NXN: variants seen among roughly 807,000 people sequenced by gnomAD.
NXN encodes nucleoredoxin 1.
In NXN, 16 loss-of-function variants were observed where a neutral mutation model predicts 48.6. The observed-to-expected ratio is 0.33, with a 90% CI of 0.22 to 0.50. NXN has a LOEUF of 0.50. Ranked by LOEUF, NXN falls within the 20% of genes least tolerant of loss-of-function variation. The pLI is 0.98. For synonymous variants in NXN, 281 were observed against 269.6 expected (o/e 1.04, Z -0.41); for missense variants, 492 against 605.5 (o/e 0.81, Z 1.97).
At chr17:966,736 G>C (rs986592027) in intron 1 of NXN, among the ~76,000 whole-genome samples, 3 of 150,738 alleles carry the variant, frequency 2.0e-5, no homozygotes, top group African/African-American at 7.3e-5. Context: ...AAGGAGGTAG[G>C]GCAGCCAGCT....
At chr17:912,182 C>T (rs1395719712) in intron 1 of NXN, among the ~76,000 whole-genome samples, 1 of 152,092 alleles carries the variant, frequency 6.6e-6, no homozygotes, top group African/African-American at 2.4e-5. Context: ...AAGTGATCCA[C>T]CCTCCTCAGC....
chr17:806,740 A>G (rs1911555238), intron 5 of NXN, among the ~76,000 whole-genome samples: 1 of 152,132 alleles, frequency 6.6e-6, no homozygotes. Flanking sequence ...TACCAGACAT[A>G]TGGCCCTCGT....
chr17:832,548 A>C (rs1354470525), intron 1 of NXN, among the ~76,000 whole-genome samples: 1 of 152,030 alleles, frequency 6.6e-6, no homozygotes, highest in Non-Finnish European at 1.5e-5. Context: ...TCTACCCTCT[A>C]AATGCTCAGG....
At chr17:902,229 C>T (rs1025447162) in intron 1 of NXN, among the ~76,000 whole-genome samples, 7 of 152,342 alleles carry the variant, frequency 4.6e-5, no homozygotes, top group Admixed American at 3.9e-4. Context: ...GACGGACCCA[C>T]GTCCGCCGTC....
At chr17:888,934 G>A (rs2068378381) in intron 1 of NXN, among the ~76,000 whole-genome samples, 1 of 148,056 alleles carries the variant, frequency 6.8e-6, no homozygotes, top group Non-Finnish European at 1.5e-5. Context: ...CAGCCTGGGG[G>A]CGACAAGTGC....
chr17:952,873 G>C (rs2069128276), intron 1 of NXN, among the ~76,000 whole-genome samples: 1 of 151,728 alleles, frequency 6.6e-6, no homozygotes, highest in Non-Finnish European at 1.5e-5. Context: ...ACGGACGACA[G>C]GTTCCTGCTG....
intron 1 of NXN, among the ~76,000 whole-genome samples, chr17:963,994 G>A (rs927465865): frequency 4.6e-5 from 7 of 151,882 alleles, no homozygotes; most frequent in South Asian, 2.1e-4. Flanking sequence ...GGAGAATGGC[G>A]TGAACCCGGG....
At chr17:897,836 T>C (rs1312839551) in intron 1 of NXN, among the ~76,000 whole-genome samples, 4 of 152,166 alleles carry the variant, frequency 2.6e-5, no homozygotes, top group Non-Finnish European at 5.9e-5. Flanking sequence ...CCACCACGCA[T>C]GGCTACTTTT....
At chr17:853,942 G>A (rs1335819876) in intron 1 of NXN, among the ~76,000 whole-genome samples, 5 of 151,722 alleles carry the variant, frequency 3.3e-5, no homozygotes, top group African/African-American at 1.2e-4. Flanking sequence ...GGATGGTCTT[G>A]ATCTCCTGAC....
In NXN at chr17:888,493, T is replaced by C. The variant is rs1416663345; in HGVS notation, c.361-62415A>G. On this transcript the variant is annotated intron_variant, in intron 1 of 7. Transcript: ENST00000336868. Reference sequence around the variant, plus strand: ...ACCTTGGCCCCCCAAAGTCCTGGGATGACAGGCATGAGCCATCACACCTGG... The same window carrying C: ...ACCTTGGCCCCCCAAAGTCCTGGGACGACAGGCATGAGCCATCACACCTGG... 3.3e-5 allele frequency among the ~76,000 whole-genome samples: 5 copies of C among 152,334 alleles called. No homozygotes were observed. In the South Asian group the frequency reaches 8.3e-4, roughly 25 times the overall value.
In NXN at chr17:825,487, C is replaced by G. The variant is rs972903972; in HGVS notation, c.478+474G>C. 2 of 162,504 alleles carry G rather than the reference C, an allele frequency of 1.2e-5. No individual in the cohort carries two copies. Among genetic ancestry groups the G allele is most frequent in the African/African-American group, 2.4e-5 (1 of 41,480 alleles). 10.1% of individuals were successfully genotyped at this position (162,504 alleles called of 1,614,324 possible). ...ACGCGTAGCCAGCAAGACCAAGGCC[C>G]GCAGGGAGTGACAGCTCCAAGCAAC... On this transcript the variant is annotated intron_variant, in intron 2 of 7. Transcript: ENST00000336868. The surrounding 1 kb of genome is among the most constrained non-coding windows in gnomAD (Gnocchi z 4.1).
In NXN at chr17:921,743, T is replaced by TA. The variant is rs2068752429; in HGVS notation, c.360+57575_360+57576insT. Among the ~76,000 whole-genome samples, 11 of 148,254 alleles carry TA rather than the reference T, an allele frequency of 7.4e-5. 1 individual carries two copies. Among genetic ancestry groups the TA allele is most frequent in the African/African-American group, 2.7e-4 (11 of 40,134 alleles). On this transcript the variant is annotated intron_variant, in intron 1 of 7. Transcript: ENST00000336868. ...ATCCTCACTGCCCCTGGACAACACC[T>TA]GGCCGGCCCAGGCTCTCATCCTCAC...
At position 821,623 on chromosome 17, in the gene NXN, C is replaced by T. The variant is rs1215790916; in HGVS notation, c.713+734G>A. On this transcript the variant is annotated intron_variant, in intron 4 of 7. Transcript: ENST00000336868. ...AAAATTAGCCAGGCATGCTGGTGGGCGCCTGTAGTCCCAGCTATTCGAGAG... is the reference window on the plus strand; with the variant it reads ...AAAATTAGCCAGGCATGCTGGTGGGTGCCTGTAGTCCCAGCTATTCGAGAG... 3.9e-5 allele frequency among the ~76,000 whole-genome samples: 3 copies of T among 77,268 alleles called. 1 individual carries two copies. Among genetic ancestry groups the T allele is most frequent in the African/African-American group, 2.4e-4 (3 of 12,720 alleles). The allele number at this position is 77,268 out of a possible 152,430, so 50.7% of individuals were successfully genotyped here.
At chr17:915,113 T>C (rs1007473614) in intron 1 of NXN, among the ~76,000 whole-genome samples, 22 of 151,976 alleles carry the variant, frequency 1.4e-4, no homozygotes, top group African/African-American at 4.6e-4. Flanking sequence ...TTTTTGTATT[T>C]TTAGTAGAAA....
At chr17:966,434 G>A (rs1309407966) in intron 1 of NXN, among the ~76,000 whole-genome samples, 2 of 151,914 alleles carry the variant, frequency 1.3e-5, no homozygotes, top group South Asian at 2.1e-4. Flanking sequence ...CGCAACCTCC[G>A]CTTCCAGGGT....
chr17:906,331 TAATA>T (rs36020957), intron 1 of NXN, among the ~76,000 whole-genome samples: 1 of 151,880 alleles, frequency 6.6e-6, no homozygotes, highest in Non-Finnish European at 1.5e-5. Context: ...GGCCTGGAAT[TAATA>T]AATAAATAAA....
intron 1 of NXN, among the ~76,000 whole-genome samples, chr17:968,630 A>ATT (rs764136591): frequency 8.5e-5 from 13 of 152,200 alleles, no homozygotes; most frequent in Non-Finnish European, 1.8e-4. Flanking sequence ...ACAGACAATT[A>ATT]TTGTCCTAGA....
chr17:847,157 C>A (rs919533858), intron 1 of NXN, among the ~76,000 whole-genome samples: 1 of 151,994 alleles, frequency 6.6e-6, no homozygotes, highest in African/African-American at 2.4e-5. Context: ...CCTGTCCCCC[C>A]GCGGAGCCAC....
At chr17:959,202 T>C in intron 1 of NXN, 1 of 1,033,498 alleles carries the variant, frequency 9.7e-7, no homozygotes, top group Non-Finnish European at 1.3e-6. Context: ...GTTCAGCCAG[T>C]ACGTGTGTCA....
Sources: allele counts gnomAD v4.1 joint callset (sites outside exome capture counted in the v4.1 genomes callset), GRCh38; gene constraint gnomAD v4.1.1; non-coding constraint Gnocchi (gnomAD v3.1); transcripts MANE v1.5; gene names NCBI Gene and HGNC (gene_info 2026-07-23, HGNC 2026-07-21).